Variants in ST8SIA6 observed in about 807,000 individuals in gnomAD.
ST8SIA6 encodes the protein alpha-2,8-sialyltransferase 8F.
In ST8SIA6, 39 loss-of-function variants were observed where a neutral mutation model predicts 33.6. The ratio of observed to expected loss-of-function variants is 1.16; its 90% CI spans 0.90 to 1.52. The LOEUF (loss-of-function observed/expected upper bound fraction) is 1.52, where lower values mean the gene tolerates loss of function less well. Among genes scored for constraint, ST8SIA6 ranks in the 40% most tolerant of loss-of-function variants. ST8SIA6 has a pLI of 0.00. For synonymous variants in ST8SIA6, 172 were observed against 167.2 expected (o/e 1.03, Z -0.22); for missense variants, 441 against 443.8 (o/e 0.99, Z 0.06).
chr10:17,342,902 T>A (rs962681039), intron 4 of ST8SIA6, among the ~76,000 whole-genome samples: 1 of 152,032 alleles, frequency 6.6e-6, no homozygotes, highest in Non-Finnish European at 1.5e-5. Flanking sequence ...TGAGCTGAGA[T>A]CGCGCCACCA....
chr10:17,330,331 G>T (rs1271942017), intron 5 of ST8SIA6, among the ~76,000 whole-genome samples: 1 of 152,152 alleles, frequency 6.6e-6, no homozygotes. Flanking sequence ...GAGTGAAAGG[G>T]CTCACTGTCA....
At chr10:17,398,195 C>A (rs768902932) in intron 2 of ST8SIA6, among the ~76,000 whole-genome samples, 1 of 152,022 alleles carries the variant, frequency 6.6e-6, no homozygotes, top group Non-Finnish European at 1.5e-5. Flanking sequence ...GGCATGGTGG[C>A]GCATGCCTGT....
chr10:17,401,702 T>C (rs917188334), intron 2 of ST8SIA6, among the ~76,000 whole-genome samples: 4 of 152,164 alleles, frequency 2.6e-5, no homozygotes, highest in African/African-American at 9.7e-5. Flanking sequence ...ATTTAATAAA[T>C]GGTGCTGGCA....
intron 4 of ST8SIA6, among the ~76,000 whole-genome samples, chr10:17,342,550 C>T (rs977556225): frequency 2.0e-5 from 3 of 152,056 alleles, no homozygotes; most frequent in Admixed American, 6.6e-5. Context: ...GACATGGCTG[C>T]GAGGTTTTTA....
chr10:17,374,911 A>T (rs1197307426), intron 3 of ST8SIA6, among the ~76,000 whole-genome samples: 1 of 151,530 alleles, frequency 6.6e-6, no homozygotes, highest in Non-Finnish European at 1.5e-5. Context: ...ATATTTTCTG[A>T]TCTATAACTC....
intron 3 of ST8SIA6, among the ~76,000 whole-genome samples, chr10:17,375,345 T>C (rs538128205): frequency 3.3e-5 from 5 of 152,324 alleles, no homozygotes; most frequent in African/African-American, 9.6e-5. Flanking sequence ...AGTGATATGC[T>C]CACACTTGGG....
intron 2 of ST8SIA6, among the ~76,000 whole-genome samples, chr10:17,421,108 G>C (rs376168023): frequency 6.6e-6 from 1 of 152,156 alleles, no homozygotes; most frequent in East Asian, 1.9e-4. Flanking sequence ...AAGAGATTTG[G>C]GTGGAGACAC....
intron 2 of ST8SIA6, among the ~76,000 whole-genome samples, chr10:17,414,598 C>T (rs189050910): frequency 1.4e-4 from 22 of 152,258 alleles, no homozygotes; most frequent in East Asian, 1.2e-3. Context: ...ATGTTGGCAT[C>T]GTTGGTACCT....
chr10:17,445,498 T>C (rs1363525820), intron 2 of ST8SIA6, among the ~76,000 whole-genome samples: 1 of 152,026 alleles, frequency 6.6e-6, no homozygotes, highest in Non-Finnish European at 1.5e-5. Flanking sequence ...AGAAAAAAAC[T>C]AGAGAGGTTT....
intron 4 of ST8SIA6, among the ~76,000 whole-genome samples, chr10:17,333,717 A>AGATATATATATATAGATATTTT (rs1848406704): frequency 3.0e-5 from 1 of 33,754 alleles, no homozygotes; most frequent in African/African-American, 1.7e-4. Context: ...ATATATATAT[A>AGATATATATATATAGATATTTT]TTTTTTTTTT....
chr10:17,378,867 C>A (rs1313214600), intron 3 of ST8SIA6, among the ~76,000 whole-genome samples: 2 of 152,146 alleles, frequency 1.3e-5, no homozygotes, highest in African/African-American at 2.4e-5. Flanking sequence ...TGGCTCACAC[C>A]TGTAATCCCA....
chr10:17,377,333 G>C (rs1849952707), intron 3 of ST8SIA6, among the ~76,000 whole-genome samples: 1 of 152,076 alleles, frequency 6.6e-6, no homozygotes, highest in African/African-American at 2.4e-5. Context: ...CCTCCACCCA[G>C]GTGATTAAAA....
At chr10:17,389,671 G>T (rs1318338424) in intron 3 of ST8SIA6, among the ~76,000 whole-genome samples, 7 of 152,136 alleles carry the variant, frequency 4.6e-5, no homozygotes, top group African/African-American at 1.4e-4. Context: ...GCTGAGACTG[G>T]GGGGTAAATC....
chr10:17,416,435 T>C (rs969501833), intron 2 of ST8SIA6, among the ~76,000 whole-genome samples: 1 of 152,242 alleles, frequency 6.6e-6, no homozygotes, highest in Non-Finnish European at 1.5e-5. Context: ...CTCATTTATA[T>C]GGTCGAAATG....
At chr10:17,383,206 A>C (rs1270685170) in intron 3 of ST8SIA6, among the ~76,000 whole-genome samples, 2 of 152,084 alleles carry the variant, frequency 1.3e-5, no homozygotes, top group Non-Finnish European at 2.9e-5. Context: ...TTGTAATATC[A>C]AGTGTTTTAA....
At chr10:17,386,646 CAACA>C (rs1224433969) in intron 3 of ST8SIA6, among the ~76,000 whole-genome samples, 7 of 152,170 alleles carry the variant, frequency 4.6e-5, no homozygotes, top group Non-Finnish European at 1.0e-4. Flanking sequence ...GAGAGAACGC[CAACA>C]AACAACACAA....
intron 2 of ST8SIA6, among the ~76,000 whole-genome samples, chr10:17,412,064 A>G (rs1235208990): frequency 6.6e-6 from 1 of 151,862 alleles, no homozygotes; most frequent in South Asian, 2.1e-4. Context: ...TAGCCTGCCC[A>G]TGCTTGCCCC....
At chr10:17,376,331 T>A (rs1028133885) in intron 3 of ST8SIA6, among the ~76,000 whole-genome samples, 12 of 152,060 alleles carry the variant, frequency 7.9e-5, no homozygotes, top group Non-Finnish European at 1.5e-5. Flanking sequence ...AGAAGGAATA[T>A]TTTACACTGT....
At chr10:17,352,977 A>T (rs1032499718) in intron 4 of ST8SIA6, among the ~76,000 whole-genome samples, 1 of 152,132 alleles carries the variant, frequency 6.6e-6, no homozygotes, top group Admixed American at 6.5e-5. Context: ...AAAAAAATAA[A>T]ATATGTATTG....
Sources: gnomAD v4.1 joint callset for allele counts (sites outside exome capture counted in the v4.1 genomes callset) on GRCh38, gnomAD v4.1.1 for gene constraint, MANE v1.5 for transcripts, NCBI Gene and HGNC (gene_info 2026-07-23, HGNC 2026-07-21) for gene names.